TEX9: variants seen among roughly 807,000 people sequenced by gnomAD.
TEX9 encodes the protein testis expressed 9, also known as testis-expressed protein 9.
Under a neutral mutation model 59.6 loss-of-function variants are expected in TEX9, and 74 were observed. The ratio of observed to expected loss-of-function variants is 1.24; its 90% CI spans 1.03 to 1.51. The LOEUF (loss-of-function observed/expected upper bound fraction) is 1.51. Among genes scored for constraint, TEX9 ranks in the 40% most tolerant of loss-of-function variants. The probability of loss-of-function intolerance (pLI) is 0.00; values close to 1 mark genes in which losing one functional copy is unlikely to be tolerated. For missense variants in TEX9, 522 were observed against 447.8 expected (o/e 1.17, Z -1.49); for synonymous variants, 186 against 152.2 (o/e 1.22, Z -1.64).
chr15:56,452,912 G>A, the TEX9 span, among the ~76,000 whole-genome samples: 8 of 152,144 alleles, frequency 5.3e-5, no homozygotes, highest in African/African-American at 1.9e-4. Context: ...CCAGAAACCA[G>A]CCAAAGACCA....
chr15:56,315,672 T>C (rs2045737955), intron 1 of TEX9, among the ~76,000 whole-genome samples: 1 of 143,832 alleles, frequency 7.0e-6, no homozygotes, highest in Non-Finnish European at 1.6e-5. Context: ...GCGTTCTCTG[T>C]ATTTCCTGAA....
intron 1 of TEX9, among the ~76,000 whole-genome samples, chr15:56,345,932 T>C (rs1398738940): frequency 6.6e-6 from 1 of 152,180 alleles, no homozygotes; most frequent in Non-Finnish European, 1.5e-5. Flanking sequence ...TGATTCATAA[T>C]ATGAAAGCGT....
intron 1 of TEX9, among the ~76,000 whole-genome samples, chr15:56,278,141 T>C (rs897015476): frequency 6.6e-6 from 1 of 152,204 alleles, no homozygotes; most frequent in Non-Finnish European, 1.5e-5. Flanking sequence ...ACAATATTTA[T>C]TATTGTCATT....
At chr15:56,324,640 G>A (rs1285295242) in intron 1 of TEX9, among the ~76,000 whole-genome samples, 1 of 152,180 alleles carries the variant, frequency 6.6e-6, no homozygotes, top group Admixed American at 6.5e-5. Flanking sequence ...TGGAAATGTG[G>A]TGAACTCATT....
At chr15:56,326,774 C>A (rs78310754) in intron 1 of TEX9, among the ~76,000 whole-genome samples, 2,453 of 149,822 alleles carry the variant, frequency 0.016, 64 homozygotes, top group African/African-American at 0.056. Flanking sequence ...GCTACTTCCT[C>A]ACCATTTTCA....
At chr15:56,402,704 C>T (rs1283170018) in intron 9 of TEX9, among the ~76,000 whole-genome samples, 4 of 152,204 alleles carry the variant, frequency 2.6e-5, no homozygotes, top group African/African-American at 9.7e-5. Context: ...AGACCAATAT[C>T]CCTGATGAAC....
chr15:56,369,215 A>G (rs1054875315), intron 2 of TEX9, among the ~76,000 whole-genome samples: 1 of 151,998 alleles, frequency 6.6e-6, no homozygotes, highest in Non-Finnish European at 1.5e-5. Context: ...GTATGTGACA[A>G]GGTCTTGCTC....
intron 1 of TEX9, among the ~76,000 whole-genome samples, chr15:56,342,953 T>C (rs546889673): frequency 6.6e-6 from 1 of 152,288 alleles, no homozygotes; most frequent in East Asian, 1.9e-4. Flanking sequence ...GATTTTAATC[T>C]TTTCCTAAGG....
At chr15:56,340,523 A>G (rs1235203544) in intron 1 of TEX9, among the ~76,000 whole-genome samples, 1 of 152,156 alleles carries the variant, frequency 6.6e-6, no homozygotes, top group African/African-American at 2.4e-5. Context: ...TCAAGCTCCT[A>G]AAATCCATCT....
the TEX9 span, among the ~76,000 whole-genome samples, chr15:56,452,853 A>G: frequency 2.0e-5 from 3 of 152,108 alleles, no homozygotes; most frequent in Admixed American, 2.0e-4. Context: ...GCCACAGTGA[A>G]TCATCCTCAG....
At chr15:56,423,989 G>T (rs761260568) in intron 10 of TEX9, among the ~76,000 whole-genome samples, 1 of 152,022 alleles carries the variant, frequency 6.6e-6, no homozygotes, top group Non-Finnish European at 1.5e-5. Context: ...TACTCTTTAT[G>T]TCTCTTAAAT....
chr15:56,323,491 AAC>A (rs1394556512), intron 1 of TEX9: 1 of 193,932 alleles, frequency 5.2e-6, no homozygotes, highest in African/African-American at 2.4e-5. Context: ...GATGTGGAAT[AAC>A]ACTGCACAAA....
chr15:56,360,161 T>A (rs900571434), intron 1 of TEX9, among the ~76,000 whole-genome samples: 8 of 152,194 alleles, frequency 5.3e-5, no homozygotes, highest in Non-Finnish European at 5.9e-5. Flanking sequence ...TTTAAAAATC[T>A]ATATTCATGA....
At chr15:56,306,596 C>T (rs1461762239) in intron 1 of TEX9, among the ~76,000 whole-genome samples, 1 of 152,060 alleles carries the variant, frequency 6.6e-6, no homozygotes, top group Non-Finnish European at 1.5e-5. Flanking sequence ...ATAATGGTTA[C>T]CAGAGGCTGG....
chr15:56,431,409 T>G (rs752817852), intron 12 of TEX9: 1 of 1,613,476 alleles, frequency 6.2e-7, no homozygotes. Context: ...TAGCATGCTC[T>G]TTAAGAAGTT....
At chr15:56,291,838 A>G (rs2045102249) in intron 1 of TEX9, among the ~76,000 whole-genome samples, 1 of 152,168 alleles carries the variant, frequency 6.6e-6, no homozygotes, top group Non-Finnish European at 1.5e-5. Context: ...CATTTAATTT[A>G]CTGATATGAG....
chr15:56,380,261 A>T (rs2047663928), intron 3 of TEX9, among the ~76,000 whole-genome samples: 1 of 152,142 alleles, frequency 6.6e-6, no homozygotes, highest in South Asian at 2.1e-4. Flanking sequence ...TGACAACTTG[A>T]CGCTGATTGC....
intron 10 of TEX9, among the ~76,000 whole-genome samples, chr15:56,420,295 T>TTTTTCTC (rs1197984878): frequency 6.6e-6 from 1 of 151,582 alleles, no homozygotes; most frequent in Non-Finnish European, 1.5e-5. Flanking sequence ...CAATTTGTTC[T>TTTTTCTC]TTTTCTCTTT....
At chr15:56,356,264 G>GT (rs1227234581) in intron 1 of TEX9, among the ~76,000 whole-genome samples, 6 of 151,990 alleles carry the variant, frequency 3.9e-5, no homozygotes, top group Non-Finnish European at 8.8e-5. Context: ...TAGATGTAGG[G>GT]TTTTTTTGAG....
Sources: gnomAD v4.1 joint callset for allele counts (sites outside exome capture counted in the v4.1 genomes callset) on GRCh38, gnomAD v4.1.1 for gene constraint, MANE v1.5 for transcripts, NCBI Gene and HGNC (gene_info 2026-07-23, HGNC 2026-07-21) for gene names.